The following PRH1 variants were observed in gnomAD, a reference collection of about 807,000 sequenced individuals.
PRH1 encodes the protein salivary acidic proline-rich phosphoprotein 1/2.
A neutral mutation model predicts 7.9 loss-of-function variants in PRH1; 7 were observed. The ratio of observed to expected loss-of-function variants is 0.89; its 90% CI spans 0.50 to 1.67. The LOEUF (loss-of-function observed/expected upper bound fraction) is 1.67, where lower values mean the gene tolerates loss of function less well. Ranked by LOEUF, PRH1 falls within the 40% of genes most tolerant of loss-of-function variation. The pLI, the probability that PRH1 is intolerant of heterozygous loss-of-function variation, is 0.00. For synonymous variants in PRH1, 45 were observed against 80.8 expected, an observed-to-expected ratio of 0.56 and a Z score of 2.38; for missense variants, 109 against 223.6, an observed-to-expected ratio of 0.49 and a Z score of 3.27.
rs1949970030 is a variant in PRH1, at chr12:10,916,195, T to C, written c.-58-31920A>G. On this transcript the variant is annotated intron_variant, in intron 2 of 3. Transcript: ENST00000539853. ...CATCAGATCTCATGAGAATTACTTA[T>C]TCATTATCATAAGAACAACATGGGA... is the stretch of plus-strand genomic sequence containing the variant. Among the ~76,000 whole-genome samples, 7 of 152,256 alleles carry C rather than the reference T, an allele frequency of 4.6e-5. No individual in the cohort carries two copies. The South Asian group carries it at 1.2e-3, about 27-fold the overall frequency.
At chr12:11,062,110 A>T in intron 1 of PRH1, 2 of 1,611,712 alleles carry the variant, frequency 1.2e-6, no homozygotes, top group Non-Finnish European at 1.7e-6. Flanking sequence ...ATTTAATACT[A>T]ATACCCAGAG....
intron 2 of PRH1, among the ~76,000 whole-genome samples, chr12:10,969,304 C>T (rs1360344899): frequency 6.6e-6 from 1 of 152,058 alleles, no homozygotes; most frequent in African/African-American, 2.4e-5. Flanking sequence ...TTCTCACTAC[C>T]GGTGGAGCCT....
chr12:11,051,904 C>A (rs1449670094), upstream of PRH1, among the ~76,000 whole-genome samples: 1 of 140,376 alleles, frequency 7.1e-6, no homozygotes, highest in Non-Finnish European at 1.6e-5. Context: ...TACATATGGG[C>A]AGCTTCTTTT....
At chr12:11,058,373 G>A (rs1485766637) in intron 1 of PRH1, among the ~76,000 whole-genome samples, 3 of 152,232 alleles carry the variant, frequency 2.0e-5, no homozygotes, top group Non-Finnish European at 4.4e-5. Context: ...TGACAACATA[G>A]GTGATGTTTT....
At chr12:10,943,192 A>T (rs988325981) in intron 2 of PRH1, among the ~76,000 whole-genome samples, 14 of 152,110 alleles carry the variant, frequency 9.2e-5, no homozygotes, top group African/African-American at 3.4e-4. Context: ...TGTCTTTCCA[A>T]GTCAGAACTG....
chr12:10,997,323 A>C, intron 1 of PRH1: 2 of 1,614,134 alleles, frequency 1.2e-6, no homozygotes, highest in Non-Finnish European at 1.7e-6. Context: ...AATGGTATCA[A>C]GTTTGCTAGC....
intron 1 of PRH1, among the ~76,000 whole-genome samples, chr12:11,145,762 CT>C (rs5796424): frequency 0.45 from 68,826 of 151,306 alleles, 16,365 homozygotes; most frequent in Non-Finnish European, 0.52. Context: ...AAATTAAGAA[CT>C]TTTTTTTTGT....
intron 1 of PRH1, among the ~76,000 whole-genome samples, chr12:11,168,049 T>C (rs1022919610): frequency 5.9e-5 from 9 of 151,732 alleles, no homozygotes; most frequent in African/African-American, 2.2e-4. Context: ...ATTAAATGTG[T>C]TTCATTGTCT....
chr12:11,102,860 C>A (rs1333128154), intron 1 of PRH1, among the ~76,000 whole-genome samples: 15 of 152,162 alleles, frequency 9.9e-5, no homozygotes, highest in African/African-American at 3.6e-4. Flanking sequence ...AATCAAACAA[C>A]CCCATCAACA....
rs181708127 is a variant in PRH1, at chr12:11,090,087, G to A, written n.124-42899C>T. Reference sequence around the variant, plus strand: ...TTTGTTCATTAAAGTATTAATGAACGTAATAGAATTTAGCTGTGAACAGGA... The same window carrying A: ...TTTGTTCATTAAAGTATTAATGAACATAATAGAATTTAGCTGTGAACAGGA... On this transcript the variant is annotated intron_variant and non_coding_transcript_variant, in intron 1 of 4. Coordinates refer to the PRH1 transcript ENST00000541977. 2.7e-5 allele frequency among the ~76,000 whole-genome samples: 3 copies of A among 109,224 alleles called. 1 individual carries two copies. Among genetic ancestry groups the A allele is most frequent in the East Asian group, 2.2e-4 (1 of 4,492 alleles). 71.7% of individuals were successfully genotyped at this position (109,224 alleles called of 152,430 possible). A position where few individuals can be genotyped will look rare whatever the true frequency, so the allele number is the denominator to read the frequency against.
chr12:10,942,606 G>A (rs917569217), intron 2 of PRH1, among the ~76,000 whole-genome samples: 2 of 152,152 alleles, frequency 1.3e-5, no homozygotes, highest in African/African-American at 4.8e-5. Context: ...CGGCAAGCAG[G>A]GCTGAGAACT....
chr12:10,882,299 G>A lies in PRH1; in HGVS notation c.500C>T (p.Pro167Leu), dbSNP rs1409555190. ...QGPPPPPPGKPQGPPPQGGRP... is the reference protein window; with the variant it reads ...QGPPPPPPGKLQGPPPQGGRP... ...GCCCCCTTGGGGAGGTGGTCCCTGG[G>A]GCTTTCCAGGAGGAGGTGGGGGAGG... is the stretch of plus-strand genomic sequence containing the variant. Residue 167 changes from proline to leucine, a missense_variant, in exon 3 of 4, where the codon CCC (proline) becomes CTC (leucine). Pro to Leu is a moderately conservative substitution (Grantham distance 98). Around this residue, in one of 3 missense-constraint regions of PRH1, gnomAD observed 45 missense variants for 88.8 expected, o/e 0.51. Coordinates refer to ENST00000543626, the MANE Select transcript of PRH1 (RefSeq NM_001393989.1). 10 of 1,610,340 alleles carry A rather than the reference G, an allele frequency of 6.2e-6. No individual in the cohort carries two copies. Among genetic ancestry groups the A allele is most frequent in the Non-Finnish European group, 8.5e-6 (10 of 1,178,688 alleles).
chr12:11,103,132 G>T (rs1216937912), intron 1 of PRH1, among the ~76,000 whole-genome samples: 2 of 152,158 alleles, frequency 1.3e-5, no homozygotes, highest in Non-Finnish European at 2.9e-5. Context: ...AGACAGTGTG[G>T]CGATTCCTCA....
At chr12:11,061,940 G>T (rs1471732650) in intron 1 of PRH1, 2 of 1,613,850 alleles carry the variant, frequency 1.2e-6, no homozygotes, top group South Asian at 2.2e-5. Context: ...TTTAAGTGAA[G>T]AAAAATAAGG....
chr12:10,912,723 T>C (rs1949917852), intron 2 of PRH1, among the ~76,000 whole-genome samples: 1 of 152,100 alleles, frequency 6.6e-6, no homozygotes, highest in Non-Finnish European at 1.5e-5. Flanking sequence ...TCTAAATTTA[T>C]TGTGATTTTT....
At position 10,975,750 on chromosome 12, in the gene PRH1, G is replaced by GA. The variant is rs71051551; in HGVS notation, c.-125-2030dup. 4.9e-3 allele frequency among the ~76,000 whole-genome samples: 710 copies of GA among 145,252 alleles called. 7 individuals are homozygous for GA. The highest frequency in any genetic ancestry group is 0.012 in the African/African-American group (460 of 38,490). ...AAATCTACCAAGCAAATAAAAAATA[G>GA]AAAAAAAAAAACAGAGTTACTATTC... On this transcript the variant is annotated intron_variant, in intron 1 of 3. Transcript: ENST00000539853.
chr12:10,886,407 G>A (rs547819296), upstream of PRH1, among the ~76,000 whole-genome samples: 53 of 152,318 alleles, frequency 3.5e-4, no homozygotes, highest in African/African-American at 1.2e-3. Context: ...TCCTCCTAAA[G>A]GTCACTCAGC....
At chr12:11,147,148 T>A (rs1156809548) in intron 1 of PRH1, among the ~76,000 whole-genome samples, 1 of 152,132 alleles carries the variant, frequency 6.6e-6, no homozygotes, top group African/African-American at 2.4e-5. Flanking sequence ...AGAAAGAAAT[T>A]ATATTTTATA....
intron 1 of PRH1, chr12:11,091,482 A>T (rs1944898378): frequency 7.4e-7 from 1 of 1,350,906 alleles, no homozygotes; most frequent in African/African-American, 1.5e-5. Flanking sequence ...CCAAAACTCC[A>T]AACTGATATC....
Sources: allele counts gnomAD v4.1 joint callset (sites outside exome capture counted in the v4.1 genomes callset), GRCh38; gene constraint gnomAD v4.1.1; regional missense constraint gnomAD v4.1.1; transcripts MANE v1.5; gene names NCBI Gene and HGNC (gene_info 2026-07-23, HGNC 2026-07-21).